Variants in GREB1 observed in about 807,000 individuals in gnomAD.
The protein encoded by GREB1 is growth regulating estrogen receptor binding 1.
A neutral mutation model predicts 200.7 loss-of-function variants in GREB1; 106 were observed. The observed-to-expected ratio is 0.53, with a 90% CI of 0.45 to 0.62. The LOEUF (loss-of-function observed/expected upper bound fraction) is 0.62. Among genes scored for constraint, GREB1 ranks in the 20% least tolerant of loss-of-function variants. The pLI is 0.00. For missense variants in GREB1, 2,243 were observed against 2,556.8 expected, an observed-to-expected ratio of 0.88 and a Z score of 2.65; for synonymous variants, 1,132 against 1,092.4, an observed-to-expected ratio of 1.04 and a Z score of -0.72.
chr2:11,612,020 C>G (rs1682980268), intron 18 of GREB1, among the ~76,000 whole-genome samples: 1 of 151,886 alleles, frequency 6.6e-6, no homozygotes, highest in African/African-American at 2.4e-5. Flanking sequence ...ATGGAGAAAC[C>G]CTGTCTCTAC....
Position 11,600,835 on chromosome 2 carries a change from C to G in GREB1, c.2369C>G (p.Pro790Arg), listed in dbSNP as rs76644468. 4 of 1,614,032 alleles carry G rather than the reference C, an allele frequency of 2.5e-6. No homozygotes were observed. The highest frequency in any genetic ancestry group is 3.4e-6 in the Non-Finnish European group (4 of 1,179,930). ...TVHNLYSQSD[P>R]SVGLVDRLLN... ...CATAACCTCTATTCTCAAAGTGACC[C>G]GTCGGTGGGATTGGTGGACCGATTG... Residue 790 changes from proline to arginine, a missense_variant, in exon 16 of 33, where the codon CCG becomes CGG. Transcript: ENST00000381486.
At chr2:11,599,680 C>G (rs569448451) in intron 15 of GREB1, among the ~76,000 whole-genome samples, 92 of 152,230 alleles carry the variant, frequency 6.0e-4, no homozygotes, top group African/African-American at 2.0e-3. Context: ...GCCACCACAC[C>G]TGGCTAATTT....
chr2:11,626,943 C>A lies in GREB1; in HGVS notation c.4307-19C>A. ...GCTTTGCTCCCTGCTGCTTTTTAATCCTGGGGAATTTGGTGCAGACAGAGG... is the reference window on the plus strand; with the variant it reads ...GCTTTGCTCCCTGCTGCTTTTTAATACTGGGGAATTTGGTGCAGACAGAGG... On this transcript the variant is annotated intron_variant, in intron 24 of 32. Transcript: ENST00000381486. 6.2e-7 allele frequency: 1 copy of A among 1,613,882 alleles called. No homozygotes were observed. The highest frequency in any genetic ancestry group is 8.5e-7 in the Non-Finnish European group (1 of 1,179,802).
intron 1 of GREB1, among the ~76,000 whole-genome samples, chr2:11,510,003 C>A (rs11897533): frequency 0.99 from 151,439 of 152,354 alleles, 75,275 homozygotes; most frequent in Non-Finnish European, 1. Flanking sequence ...ATAAAAAGTC[C>A]ATGCATTTTG....
At chr2:11,509,020 G>T (rs995939951) in intron 1 of GREB1, among the ~76,000 whole-genome samples, 1 of 151,570 alleles carries the variant, frequency 6.6e-6, no homozygotes, top group Non-Finnish European at 1.5e-5. Context: ...GACTACAGGC[G>T]CCCGCCACCA....
chr2:11,589,944 G>A (rs1182123613), intron 10 of GREB1, among the ~76,000 whole-genome samples: 7 of 152,120 alleles, frequency 4.6e-5, no homozygotes, highest in Admixed American at 2.6e-4. Flanking sequence ...GCATGGACAG[G>A]CCTTGAGTCC....
chr2:11,490,559 T>C (rs1039797674), intron 1 of GREB1, among the ~76,000 whole-genome samples: 1 of 152,214 alleles, frequency 6.6e-6, no homozygotes, highest in Non-Finnish European at 1.5e-5. Flanking sequence ...TTTGTCTTTT[T>C]CTTTTTTGAG....
intron 1 of GREB1, among the ~76,000 whole-genome samples, chr2:11,555,622 C>T (rs1471564664): frequency 1.3e-5 from 2 of 152,102 alleles, no homozygotes; most frequent in Non-Finnish European, 2.9e-5. Context: ...AGATAGAAGC[C>T]AGTCACAAAA....
In GREB1 at chr2:11,519,202, CT is replaced by C. The variant is rs545456847; in HGVS notation, c.-159+36825del. Among the ~76,000 whole-genome samples, 25 of 151,728 alleles carry C rather than the reference CT, an allele frequency of 1.6e-4. No individual in the cohort carries two copies. The South Asian group carries it at 5.0e-3, about 30-fold the overall frequency. ...GACAGAAAGGTACCAATTACTTTCTCTTTTAATCAGACTAGTAGTTTAATAA... is the reference window on the plus strand; with the variant it reads ...GACAGAAAGGTACCAATTACTTTCTCTTTAATCAGACTAGTAGTTTAATAA... On this transcript the variant is annotated intron_variant, in intron 1 of 2. Transcript: ENST00000628795.
chr2:11,501,199 G>C (rs1050072741), intron 1 of GREB1, among the ~76,000 whole-genome samples: 6 of 152,252 alleles, frequency 3.9e-5, no homozygotes, highest in African/African-American at 1.4e-4. Context: ...TCTTTAATCA[G>C]CTGTGTTCCC....
intron 9 of GREB1, 70 bp from the exon 10 acceptor site, chr2:11,588,676 A>G: frequency 7.2e-7 from 1 of 1,397,452 alleles, no homozygotes; most frequent in Admixed American, 1.7e-5. Flanking sequence ...TCACCCCCAG[A>G]GAACCCACAT....
intron 4 of GREB1, among the ~76,000 whole-genome samples, chr2:11,569,461 G>A (rs951511865): frequency 8.5e-5 from 13 of 152,156 alleles, no homozygotes; most frequent in Admixed American, 2.6e-4. Context: ...GGCAATCGGA[G>A]GAGCACACCG....
intron 26 of GREB1, among the ~76,000 whole-genome samples, chr2:11,630,841 C>T (rs2148419648): frequency 6.6e-6 from 1 of 152,304 alleles, no homozygotes; most frequent in Non-Finnish European, 1.5e-5. Flanking sequence ...CTCACCTGAT[C>T]ACCTCAGAGT....
intron 17 of GREB1, among the ~76,000 whole-genome samples, chr2:11,602,900 G>T (rs1398124343): frequency 6.6e-6 from 1 of 152,228 alleles, no homozygotes; most frequent in Non-Finnish European, 1.5e-5. Flanking sequence ...TATTTCCGAT[G>T]CATATCATGT....
At chr2:11,565,079 C>T (rs762952347) in intron 3 of GREB1, among the ~76,000 whole-genome samples, 28 of 152,264 alleles carry the variant, frequency 1.8e-4, no homozygotes, top group Non-Finnish European at 3.4e-4. Flanking sequence ...TTAAGATGAG[C>T]TGTGGGTGGG....
intron 11 of GREB1, among the ~76,000 whole-genome samples, chr2:11,594,148 C>G (rs868628684): frequency 2.0e-5 from 3 of 152,142 alleles, no homozygotes; most frequent in Middle Eastern, 3.4e-3. Flanking sequence ...GCTGGAACTA[C>G]TACAGGTGTG....
intron 1 of GREB1, among the ~76,000 whole-genome samples, chr2:11,555,991 A>G (rs1676398601): frequency 6.6e-6 from 1 of 152,088 alleles, no homozygotes; most frequent in Non-Finnish European, 1.5e-5. Context: ...TCGTTTTCCC[A>G]CTCCTCTGTG....
chr2:11,500,325 C>T (rs780794806), intron 1 of GREB1, among the ~76,000 whole-genome samples: 3 of 152,140 alleles, frequency 2.0e-5, no homozygotes, highest in Middle Eastern at 3.2e-3. Context: ...CTACGCCTGG[C>T]TAATTTTTAT....
chr2:11,514,959 T>TATCC (rs553505477), intron 1 of GREB1, among the ~76,000 whole-genome samples: 23 of 151,994 alleles, frequency 1.5e-4, no homozygotes, highest in Admixed American at 3.9e-4. Flanking sequence ...CTTCCTCCAC[T>TATCC]ATCCATCCAT....
Sources: allele counts gnomAD v4.1 joint callset (sites outside exome capture counted in the v4.1 genomes callset), GRCh38; gene constraint gnomAD v4.1.1; transcripts MANE v1.5; gene names NCBI Gene and HGNC (gene_info 2026-07-23, HGNC 2026-07-21).